LIPA: variants seen among roughly 807,000 people sequenced by gnomAD.
LIPA encodes the protein lysosomal acid lipase/cholesteryl ester hydrolase.
In LIPA, 26 loss-of-function variants were observed where a neutral mutation model predicts 40.6. The observed-to-expected ratio is 0.64, with a 90% confidence interval of 0.47 to 0.89. LIPA has a LOEUF of 0.89. Ranked by LOEUF, LIPA falls within the 40% of genes least tolerant of loss-of-function variation. The probability of loss-of-function intolerance (pLI) is 0.00; values close to 1 mark genes in which losing one functional copy is unlikely to be tolerated. For synonymous variants in LIPA, 188 were observed against 168.4 expected, an observed-to-expected ratio of 1.12 and a Z score of -0.90; for missense variants, 455 against 479.6, an observed-to-expected ratio of 0.95 and a Z score of 0.48.
intron 1 of LIPA, among the ~76,000 whole-genome samples, chr10:89,262,908 G>C (rs972665092): frequency 6.6e-6 from 1 of 152,172 alleles, no homozygotes; most frequent in African/African-American, 2.4e-5. Context: ...TTTGTGAAGG[G>C]AACAGTAAAA....
At chr10:89,264,264 T>A (rs988846612) in intron 1 of LIPA, among the ~76,000 whole-genome samples, 1 of 152,148 alleles carries the variant, frequency 6.6e-6, no homozygotes, top group African/African-American at 2.4e-5. Context: ...AAGAATGAAA[T>A]ATGCAGACGA....
chr10:89,340,511 T>C (rs1193692538), intron 1 of LIPA: 3 of 144,002 alleles, frequency 2.1e-5, no homozygotes, highest in Non-Finnish European at 2.9e-5. Flanking sequence ...TGAGCCAAGA[T>C]TGCGCCCCTG....
intron 2 of LIPA, among the ~76,000 whole-genome samples, chr10:89,350,408 C>A (rs1046820942): frequency 5.3e-5 from 8 of 151,980 alleles, no homozygotes; most frequent in African/African-American, 1.9e-4. Context: ...CAGGTTCAAG[C>A]GATTCTCCTG....
intron 2 of LIPA, among the ~76,000 whole-genome samples, chr10:89,378,621 TG>T (rs1289754646): frequency 1.3e-5 from 2 of 152,210 alleles, no homozygotes; most frequent in African/African-American, 4.8e-5. Context: ...TGCTCCCCAG[TG>T]GGCCAACCCC....
chr10:89,367,610 A>C (rs138456007), intron 2 of LIPA, among the ~76,000 whole-genome samples: 1 of 152,332 alleles, frequency 6.6e-6, no homozygotes, highest in East Asian at 1.9e-4. Flanking sequence ...TCATTTGCAT[A>C]AATCTGATCA....
chr10:89,398,939 C>T (rs1301808836), intron 2 of LIPA, among the ~76,000 whole-genome samples: 57 of 152,158 alleles, frequency 3.7e-4, no homozygotes, highest in Non-Finnish European at 1.0e-4. Flanking sequence ...GTTAATTTTT[C>T]TGAGGAATTA....
chr10:89,350,315 C>CTTTTTTTTT (rs71471123), intron 2 of LIPA, among the ~76,000 whole-genome samples: 1 of 148,364 alleles, frequency 6.7e-6, no homozygotes, highest in South Asian at 2.3e-4. Flanking sequence ...GTGAAGTTAC[C>CTTTTTTTTT]TTTTTTTTTA....
At chr10:89,291,296 C>T (rs983021766) in intron 1 of LIPA, among the ~76,000 whole-genome samples, 2 of 151,994 alleles carry the variant, frequency 1.3e-5, no homozygotes, top group African/African-American at 4.8e-5. Context: ...TAAATGTATA[C>T]ATTCACATCA....
At chr10:89,287,570 C>G (rs1843347637) in intron 1 of LIPA, among the ~76,000 whole-genome samples, 1 of 151,986 alleles carries the variant, frequency 6.6e-6, no homozygotes, top group Admixed American at 6.6e-5. Context: ...CTTTCATATC[C>G]CCCCACCTTA....
chr10:89,250,523 A>AT (rs780739946), intron 1 of LIPA, among the ~76,000 whole-genome samples: 3 of 152,164 alleles, frequency 2.0e-5, no homozygotes, highest in Admixed American at 1.3e-4. Context: ...GCCCCAGGCT[A>AT]TTTTTTATCA....
intron 2 of LIPA, among the ~76,000 whole-genome samples, chr10:89,357,207 C>T (rs1368599728): frequency 2.0e-5 from 3 of 152,168 alleles, no homozygotes; most frequent in Non-Finnish European, 2.9e-5. Flanking sequence ...GGAGATATTT[C>T]GTATTATACC....
intron 2 of LIPA, among the ~76,000 whole-genome samples, chr10:89,354,051 C>T (rs1338369636): frequency 6.6e-6 from 1 of 152,188 alleles, no homozygotes; most frequent in South Asian, 2.1e-4. Flanking sequence ...CTCAATCTCT[C>T]TCTTTGCCTT....
At chr10:89,398,768 A>G (rs1844381108) in intron 2 of LIPA, among the ~76,000 whole-genome samples, 1 of 152,282 alleles carries the variant, frequency 6.6e-6, no homozygotes, top group Non-Finnish European at 1.5e-5. Context: ...TTGTTTATCC[A>G]TTCATCCATC....
intron 2 of LIPA, chr10:89,384,453 T>C: frequency 6.2e-7 from 1 of 1,614,192 alleles, no homozygotes; most frequent in East Asian, 2.2e-5. Context: ...AGCAAGAGAT[T>C]CATTACCACT....
intron 1 of LIPA, chr10:89,314,502 C>T (rs975686): frequency 0.63 from 96,139 of 152,140 alleles, 32,889 homozygotes; most frequent in East Asian, 0.93. Context: ...ACCCCATCTC[C>T]ACTAAAAATA....
chr10:89,305,986 G>A, intron 1 of LIPA: 1 of 1,612,916 alleles, frequency 6.2e-7, no homozygotes, highest in South Asian at 1.1e-5. Context: ...ATTCCTTGGA[G>A]AGCAGCCTAC....
At chr10:89,217,656 A>G (rs535352079) in intron 8 of LIPA, among the ~76,000 whole-genome samples, 1 of 152,230 alleles carries the variant, frequency 6.6e-6, no homozygotes, top group Admixed American at 6.5e-5. Context: ...ATTTCAAAAG[A>G]AAAGTATTAA....
intron 3 of LIPA, among the ~76,000 whole-genome samples, chr10:89,234,108 G>A (rs1048837236): frequency 6.6e-6 from 1 of 152,208 alleles, no homozygotes; most frequent in African/African-American, 2.4e-5. Flanking sequence ...ATTTGACCTG[G>A]ATTCTAAGTA....
chr10:89,340,367 G>C (rs541791513), intron 1 of LIPA: 92 of 332,302 alleles, frequency 2.8e-4, no homozygotes, highest in African/African-American at 1.8e-3. Context: ...GACCATCCTG[G>C]CTAACACAGT....
Sources: gnomAD v4.1 joint callset for allele counts (sites outside exome capture counted in the v4.1 genomes callset) on GRCh38, gnomAD v4.1.1 for gene constraint, MANE v1.5 for transcripts, NCBI Gene and HGNC (gene_info 2026-07-23, HGNC 2026-07-21) for gene names.